The following SMAD6 variants were observed in gnomAD, a reference collection of about 807,000 sequenced individuals.
SMAD6 encodes SMAD family member 6, also known as MAD homolog 6.
In SMAD6, 103 loss-of-function variants were observed where a neutral mutation model predicts 39.4. The observed-to-expected ratio is 2.62, with a 90% CI of 2.23 to 3.08. The LOEUF (loss-of-function observed/expected upper bound fraction) is 3.08, where lower values mean the gene tolerates loss of function less well. Ranked by LOEUF, SMAD6 falls within the 30% of genes most tolerant of loss-of-function variation. The pLI is 0.00. For missense variants in SMAD6, 1,104 were observed against 742.9 expected (o/e 1.49, Z -5.65); for synonymous variants, 445 against 353.3 (o/e 1.26, Z -2.91).
At chr15:66,768,561 T>C (rs1894328958) in intron 3 of SMAD6, among the ~76,000 whole-genome samples, 1 of 152,210 alleles carries the variant, frequency 6.6e-6, no homozygotes, top group East Asian at 1.9e-4. Flanking sequence ...TTTCATTTTA[T>C]TTCGAGCCAC....
intron 3 of SMAD6, among the ~76,000 whole-genome samples, chr15:66,768,012 C>T (rs1297314363): frequency 7.8e-6 from 1 of 128,580 alleles, no homozygotes; most frequent in South Asian, 2.4e-4. Context: ...TTCTGTTGGC[C>T]AGGCTGGAGT....
chr15:66,713,997 G>T (rs771908663), intron 2 of SMAD6, among the ~76,000 whole-genome samples: 4 of 152,192 alleles, frequency 2.6e-5, no homozygotes, highest in Non-Finnish European at 5.9e-5. Flanking sequence ...CACTCAGGTG[G>T]GTGGCTCACT....
At chr15:66,732,325 G>C (rs896356821) in intron 3 of SMAD6, among the ~76,000 whole-genome samples, 1 of 151,950 alleles carries the variant, frequency 6.6e-6, no homozygotes, top group East Asian at 1.9e-4. Context: ...ATCTTCTTTG[G>C]TGAAGTGTCT....
rs1348120813 is a variant in SMAD6 at position 66,702,899 on chromosome 15, AC to A, written c.-359del. The A allele has an allele frequency of 5.0e-6, 1 of 199,600 alleles. No homozygotes were observed. The highest frequency in any genetic ancestry group is 2.3e-5 in the African/African-American group (1 of 43,228). 12.4% of individuals were successfully genotyped at this position (199,600 alleles called of 1,614,324 possible). A position where few individuals can be genotyped will look rare whatever the true frequency, so the allele number is the denominator to read the frequency against. ...TTTGTGCTCATGGACCAGCCGCACA[AC>A]TTTTGAAGGCTCGCCGGCCCATGTG... On this transcript the variant is annotated 5_prime_UTR_variant, in exon 1 of 4. The change abolishes the stop of an existing upstream ORF in the 5' untranslated region. Coordinates refer to ENST00000288840, the MANE Select transcript of SMAD6 (RefSeq NM_005585.5).
intron 3 of SMAD6, among the ~76,000 whole-genome samples, chr15:66,737,986 G>A (rs1022399761): frequency 2.0e-5 from 3 of 152,190 alleles, no homozygotes; most frequent in South Asian, 2.1e-4. Context: ...TAATAAAAAG[G>A]CTGATACAAT....
At chr15:66,726,785 C>A (rs1893528552) in intron 3 of SMAD6, among the ~76,000 whole-genome samples, 1 of 152,190 alleles carries the variant, frequency 6.6e-6, no homozygotes, top group South Asian at 2.1e-4. Context: ...GTTCTCCACC[C>A]TCTTTGCACA....
At chr15:66,780,063 T>C (rs1339289909) in intron 3 of SMAD6, among the ~76,000 whole-genome samples, 1 of 152,182 alleles carries the variant, frequency 6.6e-6, no homozygotes, top group African/African-American at 2.4e-5. Context: ...AGCTACCCCT[T>C]TGCTATACAG....
intron 3 of SMAD6, among the ~76,000 whole-genome samples, chr15:66,724,923 C>T (rs990220715): frequency 1.9e-4 from 29 of 152,158 alleles, no homozygotes; most frequent in Non-Finnish European, 3.7e-4. Flanking sequence ...TCAGGGGAAC[C>T]GGCAGGTTGT....
chr15:66,779,367 G>A (rs866228474), intron 3 of SMAD6, among the ~76,000 whole-genome samples: 8 of 152,192 alleles, frequency 5.3e-5, no homozygotes, highest in African/African-American at 1.9e-4. Flanking sequence ...TCCAAGCTGC[G>A]GGCTGGTGTG....
rs1342193033 is a variant in SMAD6 at position 66,781,473 on chromosome 15, TC to T, written c.1432del (p.Arg478GlyfsTer61). The T allele has an allele frequency of 1.3e-6, 2 of 1,598,158 alleles. No homozygotes were observed. The highest frequency in any genetic ancestry group is 1.7e-5 in the Admixed American group (1 of 59,036). ...CGCCAAGGGCTGGGGGCCCTGCTAC[TC>T]CCGGCAGTTCATCACCTCCTGCCCC... ...SFAKGWGPCY[S>X]RQFITSCPCW... On this transcript the variant is annotated frameshift_variant, in exon 4 of 4. Coordinates refer to ENST00000288840, the MANE Select transcript of SMAD6 (RefSeq NM_005585.5). LOFTEE classifies it high-confidence loss of function.
intron 3 of SMAD6, among the ~76,000 whole-genome samples, chr15:66,721,921 G>A (rs186874487): frequency 5.3e-5 from 8 of 152,138 alleles, no homozygotes; most frequent in Non-Finnish European, 1.0e-4. Flanking sequence ...TGGAAGAGGC[G>A]ATGTCTTTTA....
intron 3 of SMAD6, among the ~76,000 whole-genome samples, chr15:66,745,866 G>A (rs1036997646): frequency 6.6e-6 from 1 of 152,216 alleles, no homozygotes; most frequent in Non-Finnish European, 1.5e-5. Flanking sequence ...ACCACATGGT[G>A]TGAAGTGAGG....
At chr15:66,751,954 A>C (rs558181669) in intron 3 of SMAD6, among the ~76,000 whole-genome samples, 1 of 150,020 alleles carries the variant, frequency 6.7e-6, no homozygotes, top group Non-Finnish European at 1.5e-5. Flanking sequence ...CTTTCCTCCT[A>C]CTCCTTCCGT....
Position 66,781,832 on chromosome 15 carries a change from C to G in SMAD6, c.*297C>G, listed in dbSNP as rs74019782. On this transcript the variant is annotated 3_prime_UTR_variant, in exon 4 of 4. Transcript: ENST00000288840. ...AATACAGATATATTTTCTTTCTCTTCCTCCTTCCTCTTCCTTACTTTTTAT... is the reference window on the plus strand; with the variant it reads ...AATACAGATATATTTTCTTTCTCTTGCTCCTTCCTCTTCCTTACTTTTTAT... 1 of 398,566 alleles carries G rather than the reference C, an allele frequency of 2.5e-6. No homozygotes were observed. The highest frequency in any genetic ancestry group is 4.4e-6 in the Non-Finnish European group (1 of 226,062). The allele number at this position is 398,566 out of a possible 1,614,324, so 24.7% of individuals were successfully genotyped here.
chr15:66,703,812 A>G lies in SMAD6; in HGVS notation c.554A>G (p.Glu185Gly). The G allele has an allele frequency of 1.4e-6, 2 of 1,429,466 alleles. No homozygotes were observed. The highest frequency in any genetic ancestry group is 1.9e-6 in the Non-Finnish European group (2 of 1,080,452). 88.5% of individuals were successfully genotyped at this position (1,429,466 alleles called of 1,614,324 possible). A position where few individuals can be genotyped will look rare whatever the true frequency, so the allele number is the denominator to read the frequency against. ...TACTCGCTGCTGAAGCGGCTCAAGG[A>G]GCGCTCGCTGGACACGCTGCTGGAG... ...VTYSLLKRLK[E>G]RSLDTLLEAV... Residue 185 changes from glutamate (E) to glycine (G), a missense_variant, in exon 1 of 4, where the codon GAG (glutamate) becomes GGG (glycine). Coordinates refer to ENST00000288840, the MANE Select transcript of SMAD6 (RefSeq NM_005585.5).
chr15:66,759,156 A>G (rs1894154824), intron 3 of SMAD6, among the ~76,000 whole-genome samples: 1 of 152,236 alleles, frequency 6.6e-6, no homozygotes, highest in African/African-American at 2.4e-5. Context: ...TTCCTTATTT[A>G]TATCAAAGCC....
chr15:66,779,724 C>T (rs1894525689), intron 3 of SMAD6, among the ~76,000 whole-genome samples: 1 of 152,240 alleles, frequency 6.6e-6, no homozygotes, highest in African/African-American at 2.4e-5. Context: ...CAGTTTTCCT[C>T]AGAAAAAGAG....
Position 66,781,344 on chromosome 15 carries a change from T to C in SMAD6, c.1300T>C (p.Tyr434His), listed in dbSNP as rs1208514129. The C allele has an allele frequency of 1.3e-6, 2 of 1,599,154 alleles. 1 individual carries two copies. The highest frequency in any genetic ancestry group is 2.2e-5 in the South Asian group (2 of 90,836). The change falls in exon 4 of 4, where the codon TAC becomes CAC. Residue 434 changes from tyrosine (Y) to histidine (H), a missense_variant. Tyr to His is a moderately conservative substitution (Grantham distance 83). Coordinates refer to ENST00000288840, the MANE Select transcript of SMAD6 (RefSeq NM_005585.5). ...GGTCGTGCGCAAGGTGCCCCCCGGC[T>C]ACTCCATCAAGGTGTTCGACTTCGA... ...ALVVRKVPPG[Y>H]SIKVFDFERS...
intron 1 of SMAD6, among the ~76,000 whole-genome samples, chr15:66,709,687 G>T (rs797014231): frequency 5.9e-5 from 9 of 152,310 alleles, no homozygotes; most frequent in African/African-American, 1.7e-4. Context: ...TGGTGGAAAG[G>T]GCATGGAGGT....
Sources: gnomAD v4.1 joint callset for allele counts (sites outside exome capture counted in the v4.1 genomes callset) on GRCh38, gnomAD v4.1.1 for gene constraint, MANE v1.5 for transcripts, NCBI Gene and HGNC (gene_info 2026-07-23, HGNC 2026-07-21) for gene names.